The following RUNX2 variants were observed in gnomAD, a reference collection of about 807,000 sequenced individuals.
The protein encoded by RUNX2 is RUNX family transcription factor 2.
In RUNX2, 10 loss-of-function variants were observed where a neutral mutation model predicts 51.7. The observed-to-expected ratio is 0.19, with a 90% confidence interval of 0.12 to 0.33. The LOEUF (loss-of-function observed/expected upper bound fraction) is 0.33, where lower values mean the gene tolerates loss of function less well. Ranked by LOEUF, RUNX2 falls within the 10% of genes least tolerant of loss-of-function variation. RUNX2 has a pLI of 1.00. For synonymous variants in RUNX2, 276 were observed against 273.6 expected (o/e 1.01, Z -0.09); for missense variants, 562 against 691.3 (o/e 0.81, Z 2.10).
intron 2 of RUNX2, among the ~76,000 whole-genome samples, chr6:45,369,964 G>T (rs1563040967): frequency 6.6e-6 from 1 of 152,278 alleles, no homozygotes; most frequent in South Asian, 2.1e-4. Context: ...TATGAACACA[G>T]GGGTAGCAAG....
chr6:45,392,984 T>C (rs1430022828), intron 2 of RUNX2, among the ~76,000 whole-genome samples: 1 of 152,194 alleles, frequency 6.6e-6, no homozygotes, highest in Non-Finnish European at 1.5e-5. Context: ...CATCTTTTGA[T>C]GAGCCCATCA....
chr6:45,545,178 C>T, intron 7 of RUNX2, 39 bp from the exon 8 acceptor site: 1 of 1,461,698 alleles, frequency 6.8e-7, no homozygotes, highest in Non-Finnish European at 9.3e-7. Context: ...AACATTAGAG[C>T]TGGAAGGGAA....
intron 5 of RUNX2, among the ~76,000 whole-genome samples, chr6:45,475,554 A>G (rs1376487522): frequency 1.3e-5 from 2 of 152,208 alleles, no homozygotes; most frequent in African/African-American, 2.4e-5. Context: ...GATCTGCTCT[A>G]TTAATCTAGG....
intron 2 of RUNX2, among the ~76,000 whole-genome samples, chr6:45,363,696 T>C (rs888146125): frequency 3.3e-5 from 5 of 151,998 alleles, no homozygotes; most frequent in African/African-American, 1.2e-4. Flanking sequence ...TCCACAAAAA[T>C]GTATATAAGC....
At chr6:45,482,827 C>T (rs1800152669) in intron 5 of RUNX2, among the ~76,000 whole-genome samples, 3 of 152,132 alleles carry the variant, frequency 2.0e-5, no homozygotes, top group Admixed American at 2.0e-4. Flanking sequence ...AGGCTTTAGA[C>T]CTGTCTTGGG....
chr6:45,522,522 C>T (rs1319070078), intron 7 of RUNX2, among the ~76,000 whole-genome samples: 9 of 152,202 alleles, frequency 5.9e-5, no homozygotes, highest in Non-Finnish European at 8.8e-5. Flanking sequence ...TTAAAAATTA[C>T]GTATGTTTGA....
intron 5 of RUNX2, among the ~76,000 whole-genome samples, chr6:45,449,072 T>C (rs1799083723): frequency 6.6e-6 from 1 of 152,184 alleles, no homozygotes; most frequent in South Asian, 2.1e-4. Context: ...AACAGGGAAT[T>C]AATCTGTAAG....
intron 7 of RUNX2, among the ~76,000 whole-genome samples, chr6:45,543,266 T>A (rs1376994742): frequency 1.3e-5 from 2 of 152,194 alleles, no homozygotes; most frequent in African/African-American, 4.8e-5. Flanking sequence ...TTTGAAACTC[T>A]TCGCACCAAG....
intron 2 of RUNX2, among the ~76,000 whole-genome samples, chr6:45,369,064 A>T (rs1050738008): frequency 6.6e-6 from 1 of 152,280 alleles, no homozygotes; most frequent in African/African-American, 2.4e-5. Context: ...AGTGTTTAGA[A>T]TAACACAAAG....
chr6:45,471,032 C>G (rs1247489618), intron 5 of RUNX2, among the ~76,000 whole-genome samples: 3 of 152,158 alleles, frequency 2.0e-5, no homozygotes, highest in Admixed American at 2.0e-4. Flanking sequence ...AACGGTATAG[C>G]TTTTCAGTTT....
At chr6:45,378,660 G>GC (rs1422682646) in intron 2 of RUNX2, among the ~76,000 whole-genome samples, 2 of 148,288 alleles carry the variant, frequency 1.3e-5, no homozygotes, top group Non-Finnish European at 3.0e-5. Context: ...CTACTTGAAG[G>GC]CTTTTTTTTT....
chr6:45,515,974 C>T (rs996411550), intron 7 of RUNX2, among the ~76,000 whole-genome samples: 3 of 152,124 alleles, frequency 2.0e-5, no homozygotes, highest in East Asian at 3.9e-4. Context: ...CAAAGAAAGA[C>T]CATGATTTAA....
intron 2 of RUNX2, among the ~76,000 whole-genome samples, chr6:45,342,670 T>A (rs1043791047): frequency 2.6e-5 from 4 of 152,196 alleles, no homozygotes; most frequent in Non-Finnish European, 5.9e-5. Context: ...CCTTTTTTTT[T>A]ATTTGCCAAT....
intron 2 of RUNX2, among the ~76,000 whole-genome samples, chr6:45,387,098 A>G (rs1445006955): frequency 6.6e-6 from 1 of 152,154 alleles, no homozygotes; most frequent in East Asian, 1.9e-4. Flanking sequence ...ATTTTATATA[A>G]CTTGGGTACT....
At chr6:45,499,056 T>C (rs1374889732) in intron 6 of RUNX2, among the ~76,000 whole-genome samples, 1 of 152,154 alleles carries the variant, frequency 6.6e-6, no homozygotes, top group African/African-American at 2.4e-5. Context: ...AGTGTGGGTA[T>C]GGAGGAGAGT....
intron 2 of RUNX2, among the ~76,000 whole-genome samples, chr6:45,366,884 A>G (rs1047831488): frequency 3.3e-5 from 5 of 152,174 alleles, no homozygotes; most frequent in African/African-American, 1.2e-4. Context: ...TCTTAGCTAC[A>G]TCTTCTATCT....
In RUNX2 at chr6:45,480,606, C is replaced by T. The variant is rs189288070; in HGVS notation, c.686-11335C>T. Among the ~76,000 whole-genome samples, 33 of 152,358 alleles carry T rather than the reference C, an allele frequency of 2.2e-4. No homozygotes were observed. The East Asian group carries it at 3.9e-3, about 18-fold the overall frequency. On this transcript the variant is annotated intron_variant, in intron 5 of 8. Transcript: ENST00000647337. Reference sequence around the variant, plus strand: ...GCGTTCACTGGTTAGAAGACACTGACATGTGCCTATGCACTGTATTAATGT... The same window carrying T: ...GCGTTCACTGGTTAGAAGACACTGATATGTGCCTATGCACTGTATTAATGT...
chr6:45,378,367 A>G (rs2150339686), intron 2 of RUNX2, among the ~76,000 whole-genome samples: 1 of 152,336 alleles, frequency 6.6e-6, no homozygotes, highest in African/African-American at 2.4e-5. Context: ...GCTTCTTTCC[A>G]GGAATTGGAG....
intron 7 of RUNX2, among the ~76,000 whole-genome samples, chr6:45,543,322 C>G (rs1802288282): frequency 6.6e-6 from 1 of 152,198 alleles, no homozygotes; most frequent in Non-Finnish European, 1.5e-5. Context: ...CACTGTTCAG[C>G]AAAGCCTAAT....
Sources: allele counts gnomAD v4.1 joint callset (sites outside exome capture counted in the v4.1 genomes callset), GRCh38; gene constraint gnomAD v4.1.1; transcripts MANE v1.5; gene names NCBI Gene and HGNC (gene_info 2026-07-23, HGNC 2026-07-21).